SLC71A1: variants seen among roughly 807,000 people sequenced by gnomAD.
The protein encoded by SLC71A1 is hippocampus abundant gene transcript 1.
At chr1:100,065,840 C>CCTTTG in the SLC71A1 span, among the ~76,000 whole-genome samples, 45 of 151,264 alleles carry the variant, frequency 3.0e-4, no homozygotes, top group Admixed American at 2.3e-3. Flanking sequence ...ATTCCTTTTC[C>CCTTTG]CTTTGCTTTC....
chr1:100,050,188 G>T, the SLC71A1 span, among the ~76,000 whole-genome samples: 1 of 151,820 alleles, frequency 6.6e-6, no homozygotes, highest in African/African-American at 2.4e-5. Context: ...TTTTGGGAGG[G>T]GGGTGGCGTG....
At chr1:100,056,108 C>T in the SLC71A1 span, among the ~76,000 whole-genome samples, 1 of 152,162 alleles carries the variant, frequency 6.6e-6, no homozygotes, top group African/African-American at 2.4e-5. Context: ...CCTGTTGTGC[C>T]TATCAAGTAC....
the SLC71A1 span, chr1:100,061,883 T>C: frequency 1.9e-6 from 3 of 1,613,784 alleles, no homozygotes; most frequent in Non-Finnish European, 2.5e-6. Context: ...CAGTGACTTT[T>C]TCTGTGGTAT....
the SLC71A1 span, chr1:100,079,613 G>C: frequency 6.6e-6 from 1 of 152,272 alleles, no homozygotes; most frequent in Admixed American, 6.5e-5. Flanking sequence ...GGGCGCAGTG[G>C]CTCATGCCTG....
the SLC71A1 span, chr1:100,082,436 C>T: frequency 1.8e-6 from 1 of 545,714 alleles, no homozygotes; most frequent in Non-Finnish European, 3.3e-6. Context: ...GCACCAATTT[C>T]TTGCCACTAA....
the SLC71A1 span, chr1:100,082,199 CA>C: frequency 6.2e-7 from 1 of 1,613,744 alleles, no homozygotes; most frequent in Non-Finnish European, 8.5e-7. Flanking sequence ...CTCCAGGACA[CA>C]AATGTGTGAC....
chr1:100,081,144 C>T, the SLC71A1 span, among the ~76,000 whole-genome samples: 1 of 152,204 alleles, frequency 6.6e-6, no homozygotes, highest in Admixed American at 6.5e-5. Flanking sequence ...TTCCAACCCA[C>T]TAAGACTACT....
the SLC71A1 span, among the ~76,000 whole-genome samples, chr1:100,075,198 A>G: frequency 6.6e-6 from 1 of 152,244 alleles, no homozygotes; most frequent in Non-Finnish European, 1.5e-5. Flanking sequence ...TGGCTGGCCC[A>G]TGCCATCCTG....
the SLC71A1 span, chr1:100,080,789 T>G: frequency 1.3e-5 from 10 of 799,916 alleles, no homozygotes; most frequent in Middle Eastern, 2.6e-4. Context: ...AAACCAGAGT[T>G]TAAGGGACTG....
the SLC71A1 span, among the ~76,000 whole-genome samples, chr1:100,041,566 T>C: frequency 6.6e-6 from 1 of 152,234 alleles, no homozygotes; most frequent in African/African-American, 2.4e-5. Flanking sequence ...TCATATACTG[T>C]ATACTACTTC....
chr1:100,058,973 A>G, the SLC71A1 span, among the ~76,000 whole-genome samples: 1 of 151,948 alleles, frequency 6.6e-6, no homozygotes, highest in Admixed American at 6.6e-5. Flanking sequence ...CCACATCATA[A>G]CAGATTCCCT....
the SLC71A1 span, chr1:100,080,721 T>C: frequency 7.1e-7 from 1 of 1,415,394 alleles, no homozygotes; most frequent in East Asian, 2.3e-5. Flanking sequence ...AGGCTACTGG[T>C]TTTTGGTCAT....
the SLC71A1 span, chr1:100,077,038 T>C: frequency 3.4e-6 from 2 of 594,686 alleles, no homozygotes; most frequent in Non-Finnish European, 5.9e-6. Context: ...CTCAGACATA[T>C]TCAGGGCAAT....
At chr1:100,072,320 C>T in the SLC71A1 span, among the ~76,000 whole-genome samples, 1 of 152,178 alleles carries the variant, frequency 6.6e-6, no homozygotes, top group African/African-American at 2.4e-5. Flanking sequence ...TTTGTTCCTG[C>T]TATTCTTTCT....
At chr1:100,055,815 C>T in the SLC71A1 span, among the ~76,000 whole-genome samples, 5 of 152,032 alleles carry the variant, frequency 3.3e-5, 1 homozygote, top group South Asian at 6.2e-4. Flanking sequence ...TGCAGTGGCG[C>T]GATCTCAGCT....
At chr1:100,072,428 T>C in the SLC71A1 span, among the ~76,000 whole-genome samples, 2 of 152,168 alleles carry the variant, frequency 1.3e-5, no homozygotes, top group Admixed American at 6.5e-5. Context: ...AGTAGAGATT[T>C]TATCTCTGTT....
the SLC71A1 span, among the ~76,000 whole-genome samples, chr1:100,069,108 T>C: frequency 6.6e-6 from 1 of 152,238 alleles, no homozygotes; most frequent in African/African-American, 2.4e-5. Flanking sequence ...TATTAAGATA[T>C]TTGGCTTAGG....
At chr1:100,058,718 A>G in the SLC71A1 span, 1 of 1,570,362 alleles carries the variant, frequency 6.4e-7, no homozygotes, top group Non-Finnish European at 8.8e-7. Flanking sequence ...GGCTTAATTC[A>G]AGGAGTAAAG....
the SLC71A1 span, chr1:100,068,058 G>T: frequency 6.2e-7 from 1 of 1,614,196 alleles, no homozygotes; most frequent in Non-Finnish European, 8.5e-7. Flanking sequence ...GGACAGCTTG[G>T]TGGTGGTCTT....
Sources: allele counts gnomAD v4.1 joint callset (sites outside exome capture counted in the v4.1 genomes callset), GRCh38; gene constraint gnomAD v4.1.1; transcripts MANE v1.5; gene names NCBI Gene and HGNC (gene_info 2026-07-23, HGNC 2026-07-21).